Variants in SLC35F4 observed in about 807,000 individuals in gnomAD.
The protein encoded by SLC35F4 is chromosome 14 open reading frame 36.
Under a neutral mutation model 44.2 loss-of-function variants are expected in SLC35F4, and 24 were observed. The ratio of observed to expected loss-of-function variants is 0.54; its 90% CI spans 0.39 to 0.76. The LOEUF is 0.76. Ranked by LOEUF, SLC35F4 falls within the 30% of genes least tolerant of loss-of-function variation. The pLI, the probability that SLC35F4 is intolerant of heterozygous loss-of-function variation, is 0.00. For synonymous variants in SLC35F4, 238 were observed against 223.6 expected (o/e 1.06, Z -0.57); for missense variants, 562 against 586.1 (o/e 0.96, Z 0.42).
chr14:57,654,386 T>A (rs2073891276), intron 1 of SLC35F4, among the ~76,000 whole-genome samples: 1 of 152,210 alleles, frequency 6.6e-6, no homozygotes, highest in Admixed American at 6.5e-5. Context: ...AATAATGGCC[T>A]TCAACTCCAT....
At chr14:57,848,470 C>T (rs901206594) in intron 1 of SLC35F4, among the ~76,000 whole-genome samples, 2 of 152,114 alleles carry the variant, frequency 1.3e-5, no homozygotes, top group Non-Finnish European at 2.9e-5. Context: ...CCAGGAGATT[C>T]AAAAAGCCTT....
intron 1 of SLC35F4, among the ~76,000 whole-genome samples, chr14:57,930,226 G>A (rs140849198): frequency 6.6e-6 from 1 of 152,188 alleles, no homozygotes; most frequent in South Asian, 2.1e-4. Flanking sequence ...GTTCACAAGA[G>A]ATCATTGAGC....
rs74833029 is a variant in SLC35F4, at chr14:57,857,387, A to G, written c.103+8336T>C. 5.0e-3 allele frequency among the ~76,000 whole-genome samples: 766 copies of G among 152,110 alleles called. 17 individuals are homozygous for G. The highest frequency in any genetic ancestry group is 0.018 in the African/African-American group (735 of 41,428). Reference sequence around the variant, plus strand: ...CAGGCAGGTAAAATGATCATAAAACACCATTTAGTGTATTCTCATTCTTTA... The same window carrying G: ...CAGGCAGGTAAAATGATCATAAAACGCCATTTAGTGTATTCTCATTCTTTA... On this transcript the variant is annotated intron_variant, in intron 1 of 7. Transcript: ENST00000556826.
In SLC35F4 at chr14:57,650,436, C is replaced by T. The variant is rs2073737496; in HGVS notation, c.104-56312G>A. Among the ~76,000 whole-genome samples the T allele has an allele frequency of 2.0e-5, 3 of 152,082 alleles. No individual in the cohort carries two copies. In the South Asian group the frequency reaches 6.2e-4, roughly 32 times the overall value. ...CATCCAACCAGTTAGTATTCTTCTC[C>T]CACACCCCTGTCATCTAATTCATTA... On this transcript the variant is annotated intron_variant, in intron 1 of 7. Coordinates refer to ENST00000556826, the MANE Select transcript of SLC35F4 (RefSeq NM_001306087.2).
rs543343694 is a variant in SLC35F4, at chr14:57,663,628, T to A, written c.104-69504A>T. 2.0e-5 allele frequency among the ~76,000 whole-genome samples: 3 copies of A among 152,240 alleles called. No homozygotes were observed. The South Asian group carries it at 6.2e-4, about 32-fold the overall frequency. Reference sequence around the variant, plus strand: ...CAATTGCTCATATTTCTCCAGTTAGTCGGTAACACGTTTTGGACAAGCATC... The same window carrying A: ...CAATTGCTCATATTTCTCCAGTTAGACGGTAACACGTTTTGGACAAGCATC... On this transcript the variant is annotated intron_variant, in intron 1 of 7. Transcript: ENST00000556826.
At chr14:57,977,784 T>C (rs1881261335) in intron 1 of SLC35F4, among the ~76,000 whole-genome samples, 1 of 152,176 alleles carries the variant, frequency 6.6e-6, no homozygotes. Context: ...CGACTATAAA[T>C]GCACTACTTC....
chr14:57,919,781 T>G (rs1052067133), intron 1 of SLC35F4, among the ~76,000 whole-genome samples: 20 of 152,080 alleles, frequency 1.3e-4, no homozygotes, highest in Non-Finnish European at 2.2e-4. Flanking sequence ...CTTTGGAGGG[T>G]CATGGAAGGC....
chr14:57,918,349 T>C (rs758391499), intron 1 of SLC35F4, among the ~76,000 whole-genome samples: 3 of 152,200 alleles, frequency 2.0e-5, no homozygotes, highest in Non-Finnish European at 4.4e-5. Flanking sequence ...CTGACTCCTC[T>C]GAAGATTCCT....
chr14:57,586,201 A>G (rs1270131709), intron 3 of SLC35F4, among the ~76,000 whole-genome samples: 1 of 152,242 alleles, frequency 6.6e-6, no homozygotes, highest in Non-Finnish European at 1.5e-5. Context: ...AGTCTTTGAC[A>G]AGCCTGACAA....
intron 1 of SLC35F4, among the ~76,000 whole-genome samples, chr14:57,669,509 A>T (rs1346974777): frequency 6.6e-6 from 1 of 152,090 alleles, no homozygotes; most frequent in Non-Finnish European, 1.5e-5. Flanking sequence ...TGTCCCATCA[A>T]TACCTAATTT....
At chr14:57,960,732 G>C (rs183186475) in intron 1 of SLC35F4, among the ~76,000 whole-genome samples, 2 of 152,258 alleles carry the variant, frequency 1.3e-5, no homozygotes, top group African/African-American at 4.8e-5. Flanking sequence ...GCAGTTTCCT[G>C]GTAGGTAGGC....
At chr14:57,626,409 C>T (rs977582467) in intron 1 of SLC35F4, among the ~76,000 whole-genome samples, 19 of 151,120 alleles carry the variant, frequency 1.3e-4, no homozygotes, top group Middle Eastern at 3.4e-3. Flanking sequence ...AAAGCATCAG[C>T]GATGTCTTTT....
intron 1 of SLC35F4, among the ~76,000 whole-genome samples, chr14:57,774,319 C>T (rs1358590252): frequency 3.9e-5 from 6 of 152,144 alleles, no homozygotes; most frequent in Non-Finnish European, 7.4e-5. Context: ...AACCCACTCT[C>T]ACCCTGAGCC....
chr14:57,773,146 A>C (rs1447354698), intron 1 of SLC35F4, among the ~76,000 whole-genome samples: 3 of 152,062 alleles, frequency 2.0e-5, no homozygotes, highest in Non-Finnish European at 4.4e-5. Context: ...TTCTTTTGAG[A>C]AATGTCATTC....
chr14:57,766,717 T>C (rs932020915), intron 1 of SLC35F4, among the ~76,000 whole-genome samples: 1 of 152,204 alleles, frequency 6.6e-6, no homozygotes, highest in Non-Finnish European at 1.5e-5. Flanking sequence ...GCTTCTCTCC[T>C]TCACAGAAGC....
intron 4 of SLC35F4, among the ~76,000 whole-genome samples, chr14:57,574,074 C>A (rs1027980790): frequency 2.0e-5 from 3 of 152,092 alleles, no homozygotes; most frequent in Admixed American, 6.5e-5. Flanking sequence ...AATTAAAAAA[C>A]CCCAAAGCAC....
intron 1 of SLC35F4, among the ~76,000 whole-genome samples, chr14:57,717,520 C>T (rs1275920814): frequency 6.6e-6 from 1 of 152,122 alleles, no homozygotes; most frequent in African/African-American, 2.4e-5. Flanking sequence ...CCTGTAGTCC[C>T]AGCTACTCGG....
chr14:57,749,388 T>C (rs2076831437), intron 1 of SLC35F4, among the ~76,000 whole-genome samples: 1 of 152,084 alleles, frequency 6.6e-6, no homozygotes, highest in South Asian at 2.1e-4. Context: ...TCCAAGTGAA[T>C]GATCAGCGGA....
Position 57,952,140 on chromosome 14 carries a change from A to G in SLC35F4, n.282+29773T>C, listed in dbSNP as rs571736469. Among the ~76,000 whole-genome samples, 99 of 152,336 alleles carry G rather than the reference A, an allele frequency of 6.5e-4. 5 individuals carry two copies. The South Asian group carries it at 0.02, about 30-fold the overall frequency. On this transcript the variant is annotated intron_variant and non_coding_transcript_variant, in intron 1 of 1. Transcript: ENST00000556568. ...CAGCCTTCGCTGGTGATACCCAGGC[A>G]GACAGGGTCTGGAGTGGACCTCCAG...
Sources: gnomAD v4.1 joint callset for allele counts (sites outside exome capture counted in the v4.1 genomes callset) on GRCh38, gnomAD v4.1.1 for gene constraint, MANE v1.5 for transcripts, NCBI Gene and HGNC (gene_info 2026-07-23, HGNC 2026-07-21) for gene names.